RAB11FIP4: variants seen among roughly 807,000 people sequenced by gnomAD.
RAB11FIP4 encodes the protein RAB11 family interacting protein 4.
RAB11FIP4 carries 23 observed loss-of-function variants against 74.3 expected under a neutral mutation model. The observed-to-expected ratio is 0.31, with a 90% CI of 0.22 to 0.44. RAB11FIP4 has a LOEUF of 0.44. RAB11FIP4 is among the 20% of genes least tolerant of loss of function. The pLI is 1.00. For missense variants in RAB11FIP4, 630 were observed against 863.9 expected, an observed-to-expected ratio of 0.73 and a Z score of 3.39; for synonymous variants, 360 against 359.9, an observed-to-expected ratio of 1.00 and a Z score of 0.00.
intron 3 of RAB11FIP4, among the ~76,000 whole-genome samples, chr17:31,454,297 G>A (rs928975511): frequency 6.6e-5 from 10 of 152,064 alleles, no homozygotes; most frequent in Non-Finnish European, 1.2e-4. Flanking sequence ...TTTTTGAGAT[G>A]GAGTCTCGTT....
chr17:31,516,047 GC>G (rs2072540267), intron 3 of RAB11FIP4, among the ~76,000 whole-genome samples: 1 of 152,150 alleles, frequency 6.6e-6, no homozygotes, highest in Non-Finnish European at 1.5e-5. Context: ...ACATCTTCTG[GC>G]CAGGGTTTAT....
Position 31,530,356 on chromosome 17 carries a change from G to A in RAB11FIP4, c.1684G>A (p.Asp562Asn), listed in dbSNP as rs2072847380. 1 of 1,614,156 alleles carries A rather than the reference G, an allele frequency of 6.2e-7. No individual in the cohort carries two copies. The highest frequency in any genetic ancestry group is 8.5e-7 in the Non-Finnish European group (1 of 1,180,020). ...TTATAAGCTGCGGGATCAGAACGAC[G>A]ACTTGAATGGGCAGATTTTGAGCCT... ...ENYKLRDQND[D>N]LNGQILSLSL... The change falls in exon 14 of 15, where the codon GAC becomes AAC. Residue 562 changes from aspartate (D) to asparagine (N), a missense_variant. By Grantham distance (23) the Asp-to-Asn change is conservative. Transcript: ENST00000621161.
rs2072956195 is a variant in RAB11FIP4, at chr17:31,536,051, G to A, written c.*4319G>A. ...TTCAGGGGAGTTGGGGGGGGGGGGCGCGGGGACAGAAGCGCGGGTTCTTGG... is the reference window on the plus strand; with the variant it reads ...TTCAGGGGAGTTGGGGGGGGGGGGCACGGGGACAGAAGCGCGGGTTCTTGG... On this transcript the variant is annotated 3_prime_UTR_variant, in exon 15 of 15. Coordinates refer to ENST00000621161, the MANE Select transcript of RAB11FIP4 (RefSeq NM_032932.6). The A allele has an allele frequency of 7.6e-6, 1 of 131,164 alleles. No homozygotes were observed. Among genetic ancestry groups the A allele is most frequent in the African/African-American group, 2.7e-5 (1 of 36,530 alleles). 8.1% of individuals were successfully genotyped at this position (131,164 alleles called of 1,614,324 possible). A position where few individuals can be genotyped will look rare whatever the true frequency, so the allele number is the denominator to read the frequency against.
intron 3 of RAB11FIP4, among the ~76,000 whole-genome samples, chr17:31,451,384 G>A (rs904059634): frequency 1.3e-5 from 2 of 150,914 alleles, no homozygotes; most frequent in African/African-American, 2.4e-5. Flanking sequence ...ACTTAAACCC[G>A]GGAGGCGGAG....
intron 3 of RAB11FIP4, among the ~76,000 whole-genome samples, chr17:31,440,801 G>GT (rs1266896934): frequency 3.3e-5 from 5 of 151,956 alleles, no homozygotes; most frequent in African/African-American, 7.3e-5. Flanking sequence ...AAAAAAAACT[G>GT]TTTTTTTGTT....
At chr17:31,455,851 G>A (rs1263496838) in intron 3 of RAB11FIP4, among the ~76,000 whole-genome samples, 6 of 152,168 alleles carry the variant, frequency 3.9e-5, no homozygotes, top group South Asian at 2.1e-4. Flanking sequence ...ACCCTTACCT[G>A]CTGCAGTGAA....
At chr17:31,461,297 C>T (rs1410839475) in intron 3 of RAB11FIP4, among the ~76,000 whole-genome samples, 1 of 152,200 alleles carries the variant, frequency 6.6e-6, no homozygotes, top group Non-Finnish European at 1.5e-5. Context: ...CATCTCCATC[C>T]ACCCTACAAA....
chr17:31,500,728 C>G (rs1040376462), intron 3 of RAB11FIP4, among the ~76,000 whole-genome samples: 1 of 152,140 alleles, frequency 6.6e-6, no homozygotes, highest in Non-Finnish European at 1.5e-5. Context: ...AGAGAATGCA[C>G]AAGAAAATGG....
Position 31,423,865 on chromosome 17 carries a change from A to AT in RAB11FIP4, c.160-7941dup, listed in dbSNP as rs1219927124. Among the ~76,000 whole-genome samples, 3 of 149,658 alleles carry AT rather than the reference A, an allele frequency of 2.0e-5. No individual in the cohort carries two copies. The South Asian group carries it at 6.5e-4, about 32-fold the overall frequency. ...CAGCTTCCAGGGGCCCCTTTTTCTCATTTTTTTCCAGGTAAAAGATTTTCC... is the reference window on the plus strand; with the variant it reads ...CAGCTTCCAGGGGCCCCTTTTTCTCATTTTTTTTCCAGGTAAAAGATTTTCC... On this transcript the variant is annotated intron_variant, in intron 1 of 14. Coordinates refer to ENST00000621161, the MANE Select transcript of RAB11FIP4 (RefSeq NM_032932.6).
intron 4 of RAB11FIP4, among the ~76,000 whole-genome samples, chr17:31,518,162 TTAA>T (rs1168425069): frequency 6.6e-6 from 1 of 152,142 alleles, no homozygotes; most frequent in African/African-American, 2.4e-5. Context: ...AAATGACTAG[TTAA>T]TAATATGAGA....
intron 3 of RAB11FIP4, among the ~76,000 whole-genome samples, chr17:31,462,984 T>G (rs1567664288): frequency 6.6e-6 from 1 of 152,154 alleles, no homozygotes; most frequent in Admixed American, 6.6e-5. Flanking sequence ...AGCCTCAGCT[T>G]CAGTCCTCAA....
chr17:31,453,850 G>A (rs557747067), intron 3 of RAB11FIP4, among the ~76,000 whole-genome samples: 1 of 150,080 alleles, frequency 6.7e-6, no homozygotes, highest in Admixed American at 6.6e-5. Flanking sequence ...AAGGCTCTCC[G>A]CACTGTGGAA....
intron 3 of RAB11FIP4, among the ~76,000 whole-genome samples, chr17:31,506,962 G>T (rs1439998520): frequency 6.6e-6 from 1 of 152,280 alleles, no homozygotes; most frequent in African/African-American, 2.4e-5. Context: ...CCATACCGTT[G>T]TCCATAATGA....
At chr17:31,488,348 G>C in intron 3 of RAB11FIP4, 3 of 1,021,956 alleles carry the variant, frequency 2.9e-6, no homozygotes, top group Non-Finnish European at 3.5e-6. Context: ...CCGCGGCCCC[G>C]GGAAGTTGGC....
At chr17:31,431,509 G>C in intron 1 of RAB11FIP4, 1 of 285,920 alleles carries the variant, frequency 3.5e-6, no homozygotes, top group South Asian at 6.6e-5. Flanking sequence ...TTAAAACATC[G>C]GCAGAGCCTC....
Position 31,523,630 on chromosome 17 carries a change from G to A in RAB11FIP4, c.1029+19G>A. On this transcript the variant is annotated intron_variant, in intron 8 of 14. Transcript: ENST00000621161. The stretch of plus-strand genomic sequence containing the variant: ...AGAGAAGGTGGGCCTTGGGTGGCTG[G>A]AGAAGGGACTGAATGCATGCCTGCT... The A allele has an allele frequency of 6.2e-7, 1 of 1,602,898 alleles. No homozygotes were observed. The highest frequency in any genetic ancestry group is 1.3e-5 in the African/African-American group (1 of 74,828).
chr17:31,487,768 A>G (rs1020647013), intron 3 of RAB11FIP4, among the ~76,000 whole-genome samples: 2 of 151,962 alleles, frequency 1.3e-5, no homozygotes, highest in Non-Finnish European at 2.9e-5. Flanking sequence ...GCGCGAGCTC[A>G]CACGCCGACT....
intron 3 of RAB11FIP4, among the ~76,000 whole-genome samples, chr17:31,435,248 G>C (rs150642575): frequency 6.6e-6 from 1 of 152,136 alleles, no homozygotes; most frequent in African/African-American, 2.4e-5. Flanking sequence ...CTGGAGGTTG[G>C]GGGTAGGTGG....
chr17:31,468,234 C>T (rs368224680), intron 3 of RAB11FIP4, among the ~76,000 whole-genome samples: 19 of 152,088 alleles, frequency 1.2e-4, no homozygotes, highest in Non-Finnish European at 1.0e-4. Context: ...CTCCCTTCCT[C>T]GCTTCGTCTC....
Sources: allele counts gnomAD v4.1 joint callset (sites outside exome capture counted in the v4.1 genomes callset), GRCh38; gene constraint gnomAD v4.1.1; transcripts MANE v1.5; gene names NCBI Gene and HGNC (gene_info 2026-07-23, HGNC 2026-07-21).